Variants in CASK observed in about 807,000 individuals in gnomAD.
The protein encoded by CASK is calcium/calmodulin dependent serine protein kinase.
A neutral mutation model predicts 82.9 loss-of-function variants in CASK; 4 were observed. The ratio of observed to expected loss-of-function variants is 0.05; its 90% CI spans 0.02 to 0.11. The LOEUF is 0.11. Among genes scored for constraint, CASK ranks in the 10% least tolerant of loss-of-function variants. The pLI, the probability that CASK is intolerant of heterozygous loss-of-function variation, is 1.00. For synonymous variants in CASK, 259 were observed against 253.5 expected (o/e 1.02, Z -0.20); for missense variants, 358 against 720.9 (o/e 0.50, Z 5.76).
chrX:41,788,629 G>T (rs1355304923), intron 2 of CASK, among the ~76,000 whole-genome samples: 1 of 111,640 alleles, frequency 9.0e-6, no homozygotes, highest in Non-Finnish European at 1.9e-5. Context: ...ATGAGAAAAA[G>T]AAGTCAGAAA....
chrX:41,630,613 T>C, intron 9 of CASK, among the ~76,000 whole-genome samples: 1 of 111,966 alleles, frequency 8.9e-6, no homozygotes, highest in African/African-American at 3.2e-5. Flanking sequence ...GTATCAGATA[T>C]AGAATAATTG....
At chrX:41,711,384 C>T (rs1347412473) in intron 5 of CASK, among the ~76,000 whole-genome samples, 2 of 111,841 alleles carry the variant, frequency 1.8e-5, no homozygotes, top group Admixed American at 9.5e-5. Flanking sequence ...TGTTTTCCTT[C>T]CAAACTATGA....
At chrX:41,773,286 G>A (rs761535883) in intron 3 of CASK, among the ~76,000 whole-genome samples, 8 of 104,364 alleles carry the variant, frequency 7.7e-5, no homozygotes, top group Non-Finnish European at 1.6e-4. Context: ...GAGGTAGGAG[G>A]AATAACTGAA....
intron 11 of CASK, among the ~76,000 whole-genome samples, chrX:41,612,005 A>G (rs2066065788): frequency 8.9e-6 from 1 of 112,279 alleles, no homozygotes; most frequent in East Asian, 2.9e-4. Flanking sequence ...TCAGTGCTCA[A>G]TGGTGCCCAG....
intron 21 of CASK, among the ~76,000 whole-genome samples, chrX:41,551,834 C>T (rs2065100659): frequency 1.1e-5 from 1 of 90,776 alleles, no homozygotes; most frequent in Non-Finnish European, 2.1e-5. Flanking sequence ...GACCTGAGAT[C>T]ATGCCATTGC....
At chrX:41,606,849 T>C (rs542786104) in intron 12 of CASK, among the ~76,000 whole-genome samples, 2 of 110,233 alleles carry the variant, frequency 1.8e-5, no homozygotes, top group African/African-American at 3.3e-5. Flanking sequence ...TACACCACCA[T>C]GCCCAGCTGC....
chrX:41,688,830 C>T (rs1042174841), intron 5 of CASK: 6 of 107,401 alleles, frequency 5.6e-5, no homozygotes, highest in Admixed American at 2.0e-4. Flanking sequence ...GTTGGTTGAG[C>T]TTAAAGTTGT....
intron 1 of CASK, among the ~76,000 whole-genome samples, chrX:41,904,203 G>A (rs1435810241): frequency 8.9e-6 from 1 of 111,892 alleles, no homozygotes; most frequent in African/African-American, 3.2e-5. Context: ...AATGCATGTT[G>A]CACCATGTAT....
chrX:41,900,585 A>G (rs1282424908), intron 1 of CASK, among the ~76,000 whole-genome samples: 1 of 79,344 alleles, frequency 1.3e-5, no homozygotes, highest in Non-Finnish European at 2.4e-5. Context: ...CAGCTCTAGA[A>G]TTTCTGTTTG....
intron 3 of CASK, among the ~76,000 whole-genome samples, chrX:41,748,786 G>A (rs1400007449): frequency 9.0e-6 from 1 of 111,385 alleles, no homozygotes; most frequent in African/African-American, 3.3e-5. Context: ...ACTAAGGAGG[G>A]AACCAGTCCG....
At chrX:41,922,909 C>T in intron 1 of CASK, 21 bp downstream of exon 1, 1 of 1,202,065 alleles carries the variant, frequency 8.3e-7, no homozygotes, top group African/African-American at 1.7e-5. Flanking sequence ...CACACTCCCG[C>T]TCCCTCGCGT....
chrX:41,825,126 C>G (rs2070632577), intron 2 of CASK, among the ~76,000 whole-genome samples: 2 of 111,181 alleles, frequency 1.8e-5, no homozygotes, highest in Non-Finnish European at 3.8e-5. Flanking sequence ...GGAACAGATA[C>G]CCCATTTTAC....
intron 19 of CASK, 37 bp from the exon 20 acceptor site, chrX:41,555,672 T>C (rs2065151561): frequency 1.8e-6 from 2 of 1,105,144 alleles, no homozygotes; most frequent in East Asian, 6.0e-5. Context: ...AAAATTTTCA[T>C]TTATTTTTCA....
chrX:41,545,027 G>GTTTTTTT (rs57524862), intron 21 of CASK, among the ~76,000 whole-genome samples: 1 of 106,889 alleles, frequency 9.4e-6, no homozygotes. Flanking sequence ...TAGTACTGCT[G>GTTTTTTT]TTTTTTTTTT....
intron 2 of CASK, among the ~76,000 whole-genome samples, chrX:41,793,546 A>G (rs767505099): frequency 8.9e-6 from 1 of 111,980 alleles, no homozygotes; most frequent in Non-Finnish European, 1.9e-5. Context: ...TTTCCTAACA[A>G]ATATACAAGT....
At chrX:41,772,839 A>C (rs1264325037) in intron 3 of CASK, among the ~76,000 whole-genome samples, 1 of 110,989 alleles carries the variant, frequency 9.0e-6, no homozygotes, top group Non-Finnish European at 1.9e-5. Flanking sequence ...GTCTCTACTA[A>C]AAATACAAAA....
intron 2 of CASK, among the ~76,000 whole-genome samples, chrX:41,809,197 T>C (rs2070213209): frequency 8.9e-6 from 1 of 112,170 alleles, no homozygotes; most frequent in African/African-American, 3.2e-5. Context: ...AGCAGAAACC[T>C]CTGCAGACTT....
intron 8 of CASK, among the ~76,000 whole-genome samples, chrX:41,655,697 G>A (rs1370754923): frequency 9.0e-6 from 1 of 111,508 alleles, no homozygotes; most frequent in Non-Finnish European, 1.9e-5. Flanking sequence ...ACAGGGCCCC[G>A]TGAACAGCTC....
chrX:41,861,895 TAATA>T (rs2147990842), intron 1 of CASK, among the ~76,000 whole-genome samples: 1 of 102,479 alleles, frequency 9.8e-6, no homozygotes, highest in East Asian at 2.9e-4. Context: ...GTATAATATA[TAATA>T]TATAGTATAT....
Sources: allele counts gnomAD v4.1 joint callset (sites outside exome capture counted in the v4.1 genomes callset), GRCh38; gene constraint gnomAD v4.1.1; transcripts MANE v1.5; gene names NCBI Gene and HGNC (gene_info 2026-07-23, HGNC 2026-07-21).